Variants in ABCA13 observed in about 807,000 individuals in gnomAD.
ABCA13 encodes ATP-binding cassette sub-family A member 13.
Under a neutral mutation model 478.7 loss-of-function variants are expected in ABCA13, and 476 were observed. The ratio of observed to expected loss-of-function variants is 0.99; its 90% confidence interval spans 0.92 to 1.07. ABCA13 has a LOEUF of 1.07. ABCA13 is among the 50% of genes least tolerant of loss of function. The pLI, the probability that ABCA13 is intolerant of heterozygous loss-of-function variation, is 0.00. For synonymous variants in ABCA13, 2,252 were observed against 2,158.9 expected, an observed-to-expected ratio of 1.04 and a Z score of -1.20; for missense variants, 6,060 against 5,910.6, an observed-to-expected ratio of 1.03 and a Z score of -0.83.
At chr7:48,217,560 C>T (rs1382213459) in intron 3 of ABCA13, among the ~76,000 whole-genome samples, 1 of 152,128 alleles carries the variant, frequency 6.6e-6, no homozygotes, top group Non-Finnish European at 1.5e-5. Flanking sequence ...GATAATCTCC[C>T]AAGTGTGACA....
chr7:48,639,538 C>T (rs758014493), intron 59 of ABCA13, among the ~76,000 whole-genome samples: 6 of 152,156 alleles, frequency 3.9e-5, no homozygotes, highest in African/African-American at 1.4e-4. Context: ...GGTCCCCCTC[C>T]GCTCTCTGCT....
chr7:48,579,652 G>T (rs1788522210), intron 55 of ABCA13, among the ~76,000 whole-genome samples: 2 of 152,146 alleles, frequency 1.3e-5, no homozygotes, highest in Admixed American at 6.6e-5. Context: ...GTAGACACAG[G>T]AGTTTCACAC....
intron 31 of ABCA13, 31 bp downstream of exon 31, chr7:48,352,518 G>T: frequency 2.6e-6 from 4 of 1,543,942 alleles, no homozygotes; most frequent in Non-Finnish European, 2.6e-6. Flanking sequence ...GCCACCGACA[G>T]TGAGAAGGGC....
At chr7:48,256,317 G>A (rs138392751) in intron 15 of ABCA13, among the ~76,000 whole-genome samples, 1 of 151,984 alleles carries the variant, frequency 6.6e-6, no homozygotes, top group East Asian at 1.9e-4. Context: ...CCTATTTGTC[G>A]ATTTTTTGTT....
At chr7:48,492,998 G>T (rs1037733812) in intron 48 of ABCA13, among the ~76,000 whole-genome samples, 1 of 152,080 alleles carries the variant, frequency 6.6e-6, no homozygotes, top group Non-Finnish European at 1.5e-5. Context: ...TCCAGCCTGA[G>T]TGACAGTCTC....
rs118032232 is a variant in ABCA13 at position 48,408,052 on chromosome 7, A to C, written c.12071-2468A>C. On this transcript the variant is annotated intron_variant, in intron 39 of 61. Coordinates refer to ENST00000435803, the MANE Select transcript of ABCA13 (RefSeq NM_152701.5). ...TTAAATCAAGCTAATTTACATGTGC[A>C]TCACCTCACATATTTACCCTTTTGT... Among the ~76,000 whole-genome samples the C allele has an allele frequency of 2.4e-4, 37 of 152,308 alleles. No individual in the cohort carries two copies. In the East Asian group the frequency reaches 6.8e-3, roughly 28 times the overall value.
chr7:48,272,292 T>A lies in ABCA13; in HGVS notation c.2626T>A (p.Leu876Met). The part of the protein sequence containing the change: ...ILSTSFNFSQ[L>M]FHSDWPKSPA... ...GAGTACAAGTTTTAACTTTTCCCAG[T>A]TGTTCCATTCAGATTGGCCTAAATC... Residue 876 changes from leucine (L) to methionine (M), a missense_variant, in exon 17 of 62, where the codon TTG (leucine) becomes ATG (methionine). This residue lies in a region of ABCA13 where 4,423 missense variants were observed against 4,309.1 expected (regional missense o/e 1.03). Coordinates refer to ENST00000435803, the MANE Select transcript of ABCA13 (RefSeq NM_152701.5). 3 of 1,613,780 alleles carry A rather than the reference T, an allele frequency of 1.9e-6. No homozygotes were observed. Among genetic ancestry groups the A allele is most frequent in the Non-Finnish European group, 8.5e-7 (1 of 1,179,756 alleles).
At chr7:48,549,203 T>C (rs1785089338) in intron 55 of ABCA13, among the ~76,000 whole-genome samples, 2 of 151,772 alleles carry the variant, frequency 1.3e-5, no homozygotes, top group Non-Finnish European at 2.9e-5. Flanking sequence ...TCCTAATGCT[T>C]TCCCTCCCCT....
chr7:48,403,675 A>G lies in ABCA13; in HGVS notation c.11874-8A>G, dbSNP rs562092285. The stretch of plus-strand genomic sequence containing the variant: ...AGGGAGAAGAGTGATGTTTTCTTCT[A>G]ATTTCAGAACTCTTCAGGATGTGGA... On this transcript the variant is annotated splice_region_variant and splice_polypyrimidine_tract_variant and intron_variant, in intron 38 of 61. Coordinates refer to ENST00000435803, the MANE Select transcript of ABCA13 (RefSeq NM_152701.5). 1 of 1,612,856 alleles carries G rather than the reference A, an allele frequency of 6.2e-7. No homozygotes were observed. The highest frequency in any genetic ancestry group is 1.7e-5 in the Admixed American group (1 of 59,982).
At chr7:48,178,337 G>A (rs1181568998) in intron 1 of ABCA13, among the ~76,000 whole-genome samples, 1 of 152,164 alleles carries the variant, frequency 6.6e-6, no homozygotes, top group Non-Finnish European at 1.5e-5. Context: ...CTGGCTGTGC[G>A]GTGAGCATCT....
chr7:48,273,879 T>C lies in ABCA13; in HGVS notation c.4213T>C (p.Tyr1405His). 6.2e-7 allele frequency: 1 copy of C among 1,612,788 alleles called. No individual in the cohort carries two copies. The highest frequency in any genetic ancestry group is 8.5e-7 in the Non-Finnish European group (1 of 1,179,224). The change falls in exon 17 of 62, where the codon TAT (tyrosine) becomes CAT (histidine). Residue 1405 changes from tyrosine to histidine, a missense_variant. Transcript: ENST00000435803. ...IVWLDVINHL[Y>H]LLSNSSFSQG... ...ATGGTTAGATGTCATAAACCATTTG[T>C]ATTTGTTGTCTAACTCCAGTTTTTC...
intron 59 of ABCA13, among the ~76,000 whole-genome samples, chr7:48,618,303 A>T (rs1200988836): frequency 6.6e-6 from 1 of 152,162 alleles, no homozygotes; most frequent in African/African-American, 2.4e-5. Context: ...ACCTTGGTAC[A>T]TGCACTTCAC....
At chr7:48,524,708 G>T (rs1832773867) in intron 54 of ABCA13, among the ~76,000 whole-genome samples, 1 of 152,070 alleles carries the variant, frequency 6.6e-6, no homozygotes, top group African/African-American at 2.4e-5. Context: ...TATGACTTGG[G>T]CTATGGGATA....
intron 49 of ABCA13, 118 bp from the exon 50 acceptor site, chr7:48,507,754 G>A (rs1368063113): frequency 6.6e-6 from 8 of 1,219,790 alleles, no homozygotes; most frequent in Non-Finnish European, 9.0e-6. Context: ...AACATGCCTG[G>A]CTGATTATGA....
At chr7:48,324,229 G>A (rs990510349) in intron 27 of ABCA13, among the ~76,000 whole-genome samples, 17 of 152,214 alleles carry the variant, frequency 1.1e-4, no homozygotes, top group South Asian at 2.1e-4. Context: ...TTTTCCTGGG[G>A]CCTCTGGCTT....
chr7:48,529,113 T>G (rs1833059746), intron 55 of ABCA13, among the ~76,000 whole-genome samples: 1 of 152,202 alleles, frequency 6.6e-6, no homozygotes, highest in African/African-American at 2.4e-5. Context: ...GTAGTGTGTC[T>G]TCCTTTTTCC....
chr7:48,558,994 C>T (rs1203580365), intron 55 of ABCA13, among the ~76,000 whole-genome samples: 1 of 152,198 alleles, frequency 6.6e-6, no homozygotes, highest in East Asian at 1.9e-4. Flanking sequence ...CTCTCAGCTG[C>T]TAATGTCTAT....
chr7:48,398,185 A>G (rs1363666129), intron 38 of ABCA13, among the ~76,000 whole-genome samples: 2 of 152,226 alleles, frequency 1.3e-5, no homozygotes, highest in African/African-American at 4.8e-5. Context: ...GATTTCTTTA[A>G]AACAAGTCAT....
chr7:48,502,028 A>G (rs1010524461), intron 48 of ABCA13, among the ~76,000 whole-genome samples: 1 of 152,176 alleles, frequency 6.6e-6, no homozygotes, highest in African/African-American at 2.4e-5. Context: ...ATGGGATTTC[A>G]TTTTCCTAAA....
Sources: allele counts gnomAD v4.1 joint callset (sites outside exome capture counted in the v4.1 genomes callset), GRCh38; gene constraint gnomAD v4.1.1; regional missense constraint gnomAD v4.1.1; transcripts MANE v1.5; gene names NCBI Gene and HGNC (gene_info 2026-07-23, HGNC 2026-07-21).